TATDN1: variants seen among roughly 807,000 people sequenced by gnomAD.
The protein encoded by TATDN1 is TatD DNase domain containing 1, also known as deoxyribonuclease TATDN1.
Under a neutral mutation model 46.4 loss-of-function variants are expected in TATDN1, and 40 were observed. The ratio of observed to expected loss-of-function variants is 0.86; its 90% CI spans 0.67 to 1.12. The LOEUF (loss-of-function observed/expected upper bound fraction) is 1.12, where lower values mean the gene tolerates loss of function less well. Among genes scored for constraint, TATDN1 ranks in the 50% most tolerant of loss-of-function variants. TATDN1 has a pLI of 0.00. For missense variants in TATDN1, 326 were observed against 348.4 expected, an observed-to-expected ratio of 0.94 and a Z score of 0.51; for synonymous variants, 95 against 105.6, an observed-to-expected ratio of 0.90 and a Z score of 0.62.
chr8:124,528,687 G>C (rs1820710929), intron 1 of TATDN1, among the ~76,000 whole-genome samples: 1 of 152,158 alleles, frequency 6.6e-6, no homozygotes, highest in Non-Finnish European at 1.5e-5. Context: ...TAAAAAGATA[G>C]AGAAATAAGT....
At position 124,508,651 on chromosome 8, in the gene TATDN1, T is replaced by C. The variant is rs145972678; in HGVS notation, c.427A>G (p.Lys143Glu). The change falls in exon 7 of 12, where the codon AAA (lysine) becomes GAA (glutamate). Residue 143 changes from lysine to glutamate, a missense_variant. Coordinates refer to ENST00000276692, the MANE Select transcript of TATDN1 (RefSeq NM_032026.4). Reference protein sequence around the residue: ...EKQFELSEQTKLPMFLHCRNS... With the variant: ...EKQFELSEQTELPMFLHCRNS... ...CGACAATGAAGAAACATTGGTAATT[T>C]TGTTTGTTCTGACAGTTCAAACTGT... is the stretch of plus-strand genomic sequence containing the variant. 2.5e-5 allele frequency: 40 copies of C among 1,597,958 alleles called. No individual in the cohort carries two copies. The African/African-American group carries it at 4.3e-4, about 17-fold the overall frequency.
intron 9 of TATDN1, among the ~76,000 whole-genome samples, chr8:124,497,189 T>G (rs1404322555): frequency 6.6e-6 from 1 of 152,218 alleles, no homozygotes; most frequent in African/African-American, 2.4e-5. Flanking sequence ...GAAACCAAGC[T>G]GTTCACGCTG....
chr8:124,507,580 G>T (rs911705851), intron 8 of TATDN1, among the ~76,000 whole-genome samples: 1 of 152,010 alleles, frequency 6.6e-6, no homozygotes, highest in East Asian at 1.9e-4. Flanking sequence ...TTAGGAGTTC[G>T]AGATCAGCCT....
chr8:124,504,563 G>A (rs1818238246), intron 8 of TATDN1: 1 of 342,892 alleles, frequency 2.9e-6, no homozygotes. Flanking sequence ...AACGTTAGCT[G>A]CCGAGAATTT....
At chr8:124,513,753 C>T (rs960045722) in intron 6 of TATDN1, among the ~76,000 whole-genome samples, 3 of 152,112 alleles carry the variant, frequency 2.0e-5, no homozygotes, top group Non-Finnish European at 2.9e-5. Context: ...CAAAAAAACA[C>T]GGGGACTCTG....
At position 124,488,698 on chromosome 8, in the gene TATDN1, T is replaced by TAAAAC. The variant is rs775770709; in HGVS notation, c.792-7_792-3dup. The TAAAAC allele has an allele frequency of 3.5e-4, 545 of 1,579,438 alleles. No homozygotes were observed. Among genetic ancestry groups the TAAAAC allele is most frequent in the Non-Finnish European group, 4.5e-4 (516 of 1,150,328 alleles). Reference sequence around the variant, plus strand: ...GCTGACATTATCTCCAATATTTGACTAAAACAAAACAAAAACAAAAATGGT... The same window carrying TAAAAC: ...GCTGACATTATCTCCAATATTTGACTAAAACAAAACAAAACAAAAACAAAAATGGT... On this transcript the variant is annotated splice_polypyrimidine_tract_variant and splice_region_variant and intron_variant, in intron 11 of 11. Coordinates refer to ENST00000276692, the MANE Select transcript of TATDN1 (RefSeq NM_032026.4).
rs376093554 is a variant in TATDN1, at chr8:124,523,039, C to G, written c.23-37G>C. On this transcript the variant is annotated intron_variant, in intron 1 of 11. Coordinates refer to ENST00000276692, the MANE Select transcript of TATDN1 (RefSeq NM_032026.4). The stretch of plus-strand genomic sequence containing the variant: ...AAAAGTCACTGATTAATTATTGAGT[C>G]TCTACATGAAACTTGTACTTAAATA... 5 of 1,563,912 alleles carry G rather than the reference C, an allele frequency of 3.2e-6. No homozygotes were observed. The Middle Eastern group carries it at 5.8e-4, about 183-fold the overall frequency.
At chr8:124,503,613 G>A (rs1818161536) in intron 9 of TATDN1, among the ~76,000 whole-genome samples, 2 of 152,138 alleles carry the variant, frequency 1.3e-5, no homozygotes, top group Non-Finnish European at 2.9e-5. Flanking sequence ...CAATGAAGAA[G>A]GACAGAAACT....
intron 11 of TATDN1, among the ~76,000 whole-genome samples, chr8:124,493,484 A>C (rs1017824830): frequency 6.6e-5 from 10 of 152,134 alleles, no homozygotes; most frequent in African/African-American, 2.4e-4. Flanking sequence ...CTTTGATTGG[A>C]AAAAGGGGGT....
At chr8:124,511,090 G>C (rs1031906994) in intron 6 of TATDN1, among the ~76,000 whole-genome samples, 2 of 152,144 alleles carry the variant, frequency 1.3e-5, no homozygotes, top group Non-Finnish European at 2.9e-5. Context: ...TCTATTAAGA[G>C]ACTTCTCTGC....
chr8:124,525,208 CA>C (rs1300938390), intron 1 of TATDN1, among the ~76,000 whole-genome samples: 1 of 152,088 alleles, frequency 6.6e-6, no homozygotes, highest in Non-Finnish European at 1.5e-5. Context: ...TGCAGTGGCA[CA>C]ATCTCAGCTC....
intron 10 of TATDN1, chr8:124,494,766 A>G (rs1407855818): frequency 6.7e-6 from 1 of 149,180 alleles, no homozygotes; most frequent in African/African-American, 2.5e-5. Context: ...CTTGTTGCCC[A>G]GGCTGGAGTG....
chr8:124,538,049 G>T (rs1183209035), intron 1 of TATDN1, among the ~76,000 whole-genome samples: 1 of 152,074 alleles, frequency 6.6e-6, no homozygotes, highest in Non-Finnish European at 1.5e-5. Context: ...TCTCTACCTG[G>T]ATGTCCTATA....
chr8:124,518,669 G>A, intron 4 of TATDN1, 149 bp downstream of exon 4: 2 of 617,104 alleles, frequency 3.2e-6, no homozygotes, highest in South Asian at 4.1e-5. Flanking sequence ...TTTGAATTTT[G>A]TCATCTTAAT....
chr8:124,530,674 T>C (rs976324630), intron 1 of TATDN1, among the ~76,000 whole-genome samples: 14 of 152,218 alleles, frequency 9.2e-5, no homozygotes, highest in Non-Finnish European at 1.5e-5. Context: ...TCATAAGCCC[T>C]GCTCAGTTCT....
chr8:124,493,936 T>C lies in TATDN1; in HGVS notation c.688A>G (p.Ser230Gly). ...ATATATTTTGATCCAGCATGTGTAC[T>C]TTTGACTCCACACCAAGGTGCATCT... is the stretch of plus-strand genomic sequence containing the variant. ...ETDAPWCGVKSTHAGSKYIRT... is the reference protein window; with the variant it reads ...ETDAPWCGVKGTHAGSKYIRT... The change falls in exon 11 of 12, where the codon AGT becomes GGT. Residue 230 changes from serine to glycine, a missense_variant. Ser to Gly is a moderately conservative substitution (Grantham distance 56). Transcript: ENST00000276692. 1 of 1,611,738 alleles carries C rather than the reference T, an allele frequency of 6.2e-7. No individual in the cohort carries two copies. The highest frequency in any genetic ancestry group is 8.5e-7 in the Non-Finnish European group (1 of 1,179,512).
intron 4 of TATDN1, among the ~76,000 whole-genome samples, chr8:124,517,021 T>C (rs1819531359): frequency 6.6e-6 from 1 of 152,134 alleles, no homozygotes; most frequent in Non-Finnish European, 1.5e-5. Context: ...GGGCTGGTAA[T>C]GGAGGTGGGA....
intron 4 of TATDN1, among the ~76,000 whole-genome samples, chr8:124,518,203 C>A (rs1300736885): frequency 1.1e-5 from 1 of 87,886 alleles, no homozygotes; most frequent in African/African-American, 4.6e-5. Context: ...CAGAGTGAGA[C>A]TCTATCTCAA....
intron 1 of TATDN1, among the ~76,000 whole-genome samples, chr8:124,535,850 G>A (rs1821387023): frequency 6.6e-6 from 1 of 152,164 alleles, no homozygotes; most frequent in Non-Finnish European, 1.5e-5. Context: ...GGTGGAAAGG[G>A]AAGGGGAGCC....
Sources: gnomAD v4.1 joint callset for allele counts (sites outside exome capture counted in the v4.1 genomes callset) on GRCh38, gnomAD v4.1.1 for gene constraint, MANE v1.5 for transcripts, NCBI Gene and HGNC (gene_info 2026-07-23, HGNC 2026-07-21) for gene names.